The following NEK11 variants were observed in gnomAD, a reference collection of about 807,000 sequenced individuals.
NEK11 encodes the protein serine/threonine-protein kinase Nek11.
Under a neutral mutation model 80.7 loss-of-function variants are expected in NEK11, and 72 were observed. That is an observed-to-expected ratio of 0.89 (90% confidence interval 0.74 to 1.08). The LOEUF is 1.08. NEK11 is among the 50% of genes least tolerant of loss of function. The pLI is 0.00. For synonymous variants in NEK11, 251 were observed against 260.7 expected, an observed-to-expected ratio of 0.96 and a Z score of 0.36; for missense variants, 764 against 763.6, an observed-to-expected ratio of 1.00 and a Z score of -0.01.
Position 131,314,570 on chromosome 3 carries a change from T to C in NEK11, c.1719-34987T>C, listed in dbSNP as rs558930204. ...GTAGGAAGCAGCTGGAAAGCTATAA[T>C]AGGGTTGGCAGAGCCTTGGGCACAA... is the stretch of plus-strand genomic sequence containing the variant. On this transcript the variant is annotated intron_variant, in intron 17 of 17. Coordinates refer to ENST00000383366, the MANE Select transcript of NEK11 (RefSeq NM_024800.5). Among the ~76,000 whole-genome samples, 4 of 152,280 alleles carry C rather than the reference T, an allele frequency of 2.6e-5. No homozygotes were observed. In the East Asian group the frequency reaches 5.8e-4, roughly 22 times the overall value.
intron 5 of NEK11, among the ~76,000 whole-genome samples, chr3:131,110,566 A>G (rs2079945138): frequency 6.6e-6 from 1 of 152,202 alleles, no homozygotes; most frequent in Non-Finnish European, 1.5e-5. Context: ...TTTAGAAGTT[A>G]AATATTTTAG....
intron 16 of NEK11, among the ~76,000 whole-genome samples, chr3:131,254,313 G>T (rs1288155618): frequency 6.6e-6 from 1 of 152,122 alleles, no homozygotes; most frequent in East Asian, 1.9e-4. Flanking sequence ...ACTAGCATGA[G>T]AAATTTTTTT....
intron 4 of NEK11, among the ~76,000 whole-genome samples, chr3:131,084,423 A>G (rs976976510): frequency 1.3e-5 from 2 of 152,208 alleles, no homozygotes; most frequent in African/African-American, 4.8e-5. Context: ...CCTGTTGTAT[A>G]TGTTAAAAGT....
intron 3 of NEK11, among the ~76,000 whole-genome samples, chr3:131,078,688 A>C (rs941127722): frequency 2.6e-5 from 4 of 152,204 alleles, no homozygotes; most frequent in African/African-American, 9.6e-5. Flanking sequence ...ATTTTTAAAA[A>C]TGGTAGAAGC....
chr3:131,068,925 C>G (rs1247952528), intron 3 of NEK11, among the ~76,000 whole-genome samples: 1 of 152,132 alleles, frequency 6.6e-6, no homozygotes, highest in East Asian at 1.9e-4. Context: ...CTTTCCATCT[C>G]AAACTTAAAT....
At chr3:131,121,462 G>T (rs369453589) in intron 5 of NEK11, among the ~76,000 whole-genome samples, 3 of 152,318 alleles carry the variant, frequency 2.0e-5, no homozygotes, top group Non-Finnish European at 4.4e-5. Context: ...CAGTCTGTCC[G>T]TTCTCAGATC....
intron 14 of NEK11, among the ~76,000 whole-genome samples, chr3:131,183,081 G>A (rs1327050679): frequency 2.6e-5 from 4 of 152,156 alleles, no homozygotes; most frequent in African/African-American, 9.7e-5. Flanking sequence ...CAACCTTTGT[G>A]TGTTTTTGAC....
intron 11 of NEK11, among the ~76,000 whole-genome samples, chr3:131,164,292 A>G (rs1436890603): frequency 6.6e-6 from 1 of 152,226 alleles, no homozygotes. Context: ...ATATCAAGCT[A>G]ACAATATGAT....
intron 13 of NEK11, among the ~76,000 whole-genome samples, chr3:131,170,542 C>A (rs1338190448): frequency 6.6e-6 from 1 of 152,134 alleles, no homozygotes. Context: ...TAGTCATGAT[C>A]CTGAAACTGA....
intron 16 of NEK11, among the ~76,000 whole-genome samples, chr3:131,260,189 AT>A (rs1451331545): frequency 6.6e-6 from 1 of 151,750 alleles, no homozygotes; most frequent in Non-Finnish European, 1.5e-5. Context: ...CTGTCTGATG[AT>A]CTTATTTTTT....
chr3:131,079,637 TATTCCCAAAGAGTTATCAC>T (rs1258114901), intron 3 of NEK11, among the ~76,000 whole-genome samples: 2 of 152,240 alleles, frequency 1.3e-5, no homozygotes, highest in Admixed American at 6.5e-5. Flanking sequence ...TGTTTTGGTC[TATTCCCAAAGAGTTATCAC>T]AATTTTTAAA....
intron 14 of NEK11, among the ~76,000 whole-genome samples, chr3:131,191,535 G>A (rs2093796188): frequency 6.6e-6 from 1 of 152,118 alleles, no homozygotes; most frequent in Non-Finnish European, 1.5e-5. Context: ...AATCCAGGAT[G>A]ATCTCCCTAT....
chr3:131,241,488 A>G (rs2095518662), intron 15 of NEK11, among the ~76,000 whole-genome samples: 1 of 152,072 alleles, frequency 6.6e-6, no homozygotes. Flanking sequence ...AATATTGTAC[A>G]TTTTCTGTTT....
At chr3:131,222,311 A>G (rs911693050) in intron 14 of NEK11, among the ~76,000 whole-genome samples, 7 of 152,304 alleles carry the variant, frequency 4.6e-5, no homozygotes, top group African/African-American at 1.4e-4. Context: ...ATTCTAGTCT[A>G]CATTGAAGAG....
At chr3:131,192,725 T>C (rs2093847708) in intron 14 of NEK11, among the ~76,000 whole-genome samples, 1 of 152,120 alleles carries the variant, frequency 6.6e-6, no homozygotes, top group Non-Finnish European at 1.5e-5. Flanking sequence ...ATGAGCTACG[T>C]ATAGCAGCCA....
intron 7 of NEK11, among the ~76,000 whole-genome samples, chr3:131,140,224 G>A (rs1191373020): frequency 2.0e-5 from 3 of 152,084 alleles, no homozygotes. Flanking sequence ...ATTTTGCTTG[G>A]TTCTCTTGAA....
chr3:131,112,455 A>C (rs2149368224), intron 5 of NEK11, among the ~76,000 whole-genome samples: 1 of 152,302 alleles, frequency 6.6e-6, no homozygotes, highest in Admixed American at 6.5e-5. Context: ...GAAACCTGGG[A>C]TGTTAGAAAT....
At chr3:131,062,019 A>C (rs1026962112) in intron 3 of NEK11, among the ~76,000 whole-genome samples, 11 of 152,258 alleles carry the variant, frequency 7.2e-5, no homozygotes, top group Non-Finnish European at 1.5e-5. Flanking sequence ...AATGGGCACT[A>C]GTAACAGTAG....
chr3:131,311,131 C>T (rs577814091), intron 17 of NEK11, among the ~76,000 whole-genome samples: 60 of 151,698 alleles, frequency 4.0e-4, no homozygotes, highest in African/African-American at 1.3e-3. Flanking sequence ...GTTTTTAAAC[C>T]GATGCATAAT....
Sources: allele counts gnomAD v4.1 joint callset (sites outside exome capture counted in the v4.1 genomes callset), GRCh38; gene constraint gnomAD v4.1.1; transcripts MANE v1.5; gene names NCBI Gene and HGNC (gene_info 2026-07-23, HGNC 2026-07-21).